Variants in VWC2L observed in about 807,000 individuals in gnomAD.
The protein encoded by VWC2L is von Willebrand factor C domain-containing protein 2-like.
VWC2L carries 10 observed loss-of-function variants against 21.6 expected under a neutral mutation model. The observed-to-expected ratio is 0.46, with a 90% CI of 0.29 to 0.78. The LOEUF is 0.78. Among genes scored for constraint, VWC2L ranks in the 30% least tolerant of loss-of-function variants. The probability of loss-of-function intolerance (pLI) is 0.10; values close to 1 mark genes in which losing one functional copy is unlikely to be tolerated. For synonymous variants in VWC2L, 96 were observed against 94.3 expected (o/e 1.02, Z -0.10); for missense variants, 209 against 277.1 (o/e 0.75, Z 1.74).
chr2:214,490,441 A>C (rs1238054671), intron 3 of VWC2L, among the ~76,000 whole-genome samples: 1 of 152,022 alleles, frequency 6.6e-6, no homozygotes, highest in East Asian at 1.9e-4. Context: ...ACAGGAGCTT[A>C]GCTGCTCAAA....
At chr2:214,498,748 GTGTATATA>G (rs1314496100) in intron 3 of VWC2L, among the ~76,000 whole-genome samples, 1 of 137,520 alleles carries the variant, frequency 7.3e-6, no homozygotes, top group Non-Finnish European at 1.6e-5. Context: ...ATTTTTATAT[GTGTATATA>G]TATTATACAT....
At chr2:214,477,874 G>A (rs1203073296) in intron 3 of VWC2L, among the ~76,000 whole-genome samples, 1 of 152,166 alleles carries the variant, frequency 6.6e-6, no homozygotes, top group Non-Finnish European at 1.5e-5. Flanking sequence ...CTTTTGTTCT[G>A]ACGGTTTCTG....
At position 214,576,030 on chromosome 2, in the gene VWC2L, TAA is replaced by T; in HGVS notation, c.*212_*213del. Reference sequence around the variant, plus strand: ...AAAATATATATAGTATATAGCTATCTAAATCGCTTTTGTATTTACCAATGCTT... The same window carrying T: ...AAAATATATATAGTATATAGCTATCTATCGCTTTTGTATTTACCAATGCTT... On this transcript the variant is annotated 3_prime_UTR_variant, in exon 4 of 4. Coordinates refer to ENST00000312504, the MANE Select transcript of VWC2L (RefSeq NM_001080500.4). 1 of 343,912 alleles carries T rather than the reference TAA, an allele frequency of 2.9e-6. No homozygotes were observed. The highest frequency in any genetic ancestry group is 5.1e-6 in the Non-Finnish European group (1 of 196,928). 21.3% of individuals were successfully genotyped at this position (343,912 alleles called of 1,614,324 possible). A position where few individuals can be genotyped will look rare whatever the true frequency, so the allele number is the denominator to read the frequency against.
chr2:214,515,105 T>C (rs914032517), intron 3 of VWC2L, among the ~76,000 whole-genome samples: 4 of 152,200 alleles, frequency 2.6e-5, no homozygotes, highest in African/African-American at 9.7e-5. Flanking sequence ...TAGCAAAAGA[T>C]GGGAAAGCCA....
chr2:214,487,039 TAAG>T (rs1688681628), intron 3 of VWC2L, among the ~76,000 whole-genome samples: 1 of 152,144 alleles, frequency 6.6e-6, no homozygotes, highest in African/African-American at 2.4e-5. Flanking sequence ...GGTGTCCCTA[TAAG>T]AAGAGATTAG....
At chr2:214,517,227 A>G (rs1457993175) in intron 3 of VWC2L, among the ~76,000 whole-genome samples, 3 of 152,156 alleles carry the variant, frequency 2.0e-5, no homozygotes, top group Non-Finnish European at 2.9e-5. Flanking sequence ...GGCTTTCAGT[A>G]CCCCAGACTC....
intron 3 of VWC2L, among the ~76,000 whole-genome samples, chr2:214,462,650 C>T (rs537547272): frequency 2.0e-5 from 3 of 151,754 alleles, no homozygotes; most frequent in South Asian, 2.1e-4. Context: ...AAATGGCTTC[C>T]GGTTTACTGA....
chr2:214,527,704 CT>C (rs1455704680), intron 3 of VWC2L, among the ~76,000 whole-genome samples: 1 of 152,146 alleles, frequency 6.6e-6, no homozygotes, highest in African/African-American at 2.4e-5. Flanking sequence ...GCCCTGACTC[CT>C]CTGTCTAAGG....
intron 3 of VWC2L, among the ~76,000 whole-genome samples, chr2:214,533,452 GCTAT>G (rs895102332): frequency 6.6e-6 from 1 of 151,478 alleles, no homozygotes; most frequent in African/African-American, 2.4e-5. Context: ...CCACTGACTT[GCTAT>G]CTAACTTCCA....
chr2:214,504,650 C>G lies in VWC2L; in HGVS notation c.520+67892C>G, dbSNP rs573834807. On this transcript the variant is annotated intron_variant, in intron 3 of 3. Coordinates refer to ENST00000312504, the MANE Select transcript of VWC2L (RefSeq NM_001080500.4). ...AATAGGAATGTCTTCCCTAGGAAAG[C>G]CCATGACGTGGCCCGCAGCATGAAC... Among the ~76,000 whole-genome samples, 100 of 152,202 alleles carry G rather than the reference C, an allele frequency of 6.6e-4. 1 individual carries two copies. The highest frequency in any genetic ancestry group is 1.1e-3 in the Non-Finnish European group (74 of 68,026).
intron 3 of VWC2L, among the ~76,000 whole-genome samples, chr2:214,520,965 T>G (rs1347924376): frequency 6.6e-6 from 1 of 152,046 alleles, no homozygotes; most frequent in African/African-American, 2.4e-5. Context: ...GGCTCACACC[T>G]GTAATCCCAG....
chr2:214,574,798 C>T (rs1240063029), intron 3 of VWC2L, among the ~76,000 whole-genome samples: 3 of 151,778 alleles, frequency 2.0e-5, no homozygotes, highest in African/African-American at 7.3e-5. Context: ...GTAATAACAA[C>T]TAACACTGAA....
chr2:214,504,657 C>T (rs962989376), intron 3 of VWC2L, among the ~76,000 whole-genome samples: 16 of 152,182 alleles, frequency 1.1e-4, no homozygotes, highest in African/African-American at 4.8e-5. Flanking sequence ...AAGCCCATGA[C>T]GTGGCCCGCA....
intron 3 of VWC2L, among the ~76,000 whole-genome samples, chr2:214,567,401 G>A (rs888270049): frequency 1.3e-5 from 2 of 151,982 alleles, no homozygotes; most frequent in African/African-American, 4.8e-5. Context: ...TTGCCTTCCT[G>A]GCCATATGTG....
chr2:214,420,088 G>A (rs1382928414), intron 2 of VWC2L, among the ~76,000 whole-genome samples: 5 of 151,918 alleles, frequency 3.3e-5, no homozygotes, highest in Admixed American at 1.3e-4. Context: ...TTAAGCCGTG[G>A]GATTATTTTG....
chr2:214,438,313 G>C (rs888924805), intron 3 of VWC2L, among the ~76,000 whole-genome samples: 2 of 151,804 alleles, frequency 1.3e-5, no homozygotes, highest in African/African-American at 4.8e-5. Context: ...TTTTCTCCAA[G>C]GATAAAAGGA....
intron 3 of VWC2L, among the ~76,000 whole-genome samples, chr2:214,540,548 T>A (rs1689609971): frequency 6.6e-6 from 1 of 152,208 alleles, no homozygotes; most frequent in Admixed American, 6.5e-5. Flanking sequence ...TCTTTAACTC[T>A]GGCCTATAAC....
Position 214,448,261 on chromosome 2 carries a change from G to T in VWC2L, c.520+11503G>T, listed in dbSNP as rs564871219. The stretch of plus-strand genomic sequence containing the variant: ...ACACATTGTAGATGCAAATATATAT[G>T]TTTGTGAATAAATGAATCCACACAC... On this transcript the variant is annotated intron_variant, in intron 3 of 3. Coordinates refer to ENST00000312504, the MANE Select transcript of VWC2L (RefSeq NM_001080500.4). Among the ~76,000 whole-genome samples, 3 of 152,276 alleles carry T rather than the reference G, an allele frequency of 2.0e-5. No individual in the cohort carries two copies. In the South Asian group the frequency reaches 6.2e-4, roughly 32 times the overall value.
intron 3 of VWC2L, among the ~76,000 whole-genome samples, chr2:214,521,329 T>C (rs953170841): frequency 6.6e-6 from 1 of 152,092 alleles, no homozygotes; most frequent in South Asian, 2.1e-4. Context: ...CAGCATCTCA[T>C]TTAATCCTCA....
Sources: allele counts gnomAD v4.1 joint callset (sites outside exome capture counted in the v4.1 genomes callset), GRCh38; gene constraint gnomAD v4.1.1; transcripts MANE v1.5; gene names NCBI Gene and HGNC (gene_info 2026-07-23, HGNC 2026-07-21).